Variants in ANO1 observed in about 807,000 individuals in gnomAD.
The protein encoded by ANO1 is anoctamin 1.
A neutral mutation model predicts 124.0 loss-of-function variants in ANO1; 59 were observed. The observed-to-expected ratio is 0.48, with a 90% CI of 0.39 to 0.59. The LOEUF (loss-of-function observed/expected upper bound fraction) is 0.59, where lower values mean the gene tolerates loss of function less well. Ranked by LOEUF, ANO1 falls within the 20% of genes least tolerant of loss-of-function variation. The pLI is 0.00. For synonymous variants in ANO1, 529 were observed against 532.0 expected (o/e 0.99, Z 0.08); for missense variants, 1,059 against 1,328.0 (o/e 0.80, Z 3.15).
rs561083597 is a variant in ANO1 at position 70,109,750 on chromosome 11, A to G, written c.799+1346A>G. On this transcript the variant is annotated intron_variant, in intron 6 of 25. Transcript: ENST00000355303. ...TCCAGTAGAAACGTGTATGGTTGCA[A>G]TAGAAGTCCAGCGTCTTCAGGCTGC... is the stretch of plus-strand genomic sequence containing the variant. Among the ~76,000 whole-genome samples, 48 of 152,270 alleles carry G rather than the reference A, an allele frequency of 3.2e-4. No individual in the cohort carries two copies. The South Asian group carries it at 9.7e-3, about 31-fold the overall frequency.
At chr11:70,186,345 G>GGGGAGGGA (rs1202570780) in intron 25 of ANO1, among the ~76,000 whole-genome samples, 5 of 84,826 alleles carry the variant, frequency 5.9e-5, no homozygotes, top group Middle Eastern at 5.2e-3. Flanking sequence ...GGACGAGGAG[G>GGGGAGGGA]GGGAGGGAGG....
intron 21 of ANO1, among the ~76,000 whole-genome samples, chr11:70,167,748 A>G (rs1203704152): frequency 6.6e-6 from 1 of 152,016 alleles, no homozygotes; most frequent in Non-Finnish European, 1.5e-5. Context: ...GCGCAGCCCG[A>G]CACAGCCTGG....
chr11:69,989,734 A>T (rs1167326553), intron 1 of ANO1, among the ~76,000 whole-genome samples: 1 of 152,142 alleles, frequency 6.6e-6, no homozygotes, highest in Non-Finnish European at 1.5e-5. Context: ...GCCTGCTCAG[A>T]GGCTCTTGCA....
At chr11:69,981,038 C>A (rs547780157), upstream of ANO1, among the ~76,000 whole-genome samples, 1 of 152,012 alleles carries the variant, frequency 6.6e-6, no homozygotes, top group Non-Finnish European at 1.5e-5. Context: ...GTGACAGGAG[C>A]GAGACTCCTT....
intron 1 of ANO1, among the ~76,000 whole-genome samples, chr11:70,085,857 C>A (rs1014156801): frequency 6.6e-6 from 1 of 152,274 alleles, no homozygotes; most frequent in Admixed American, 6.5e-5. Context: ...GCCCACCTGC[C>A]TCGAATGAGG....
intron 1 of ANO1, among the ~76,000 whole-genome samples, chr11:70,018,805 G>A (rs904517390): frequency 6.6e-6 from 1 of 152,232 alleles, no homozygotes; most frequent in Non-Finnish European, 1.5e-5. Flanking sequence ...GCCAGCAAGA[G>A]ACCACACATT....
intron 1 of ANO1, among the ~76,000 whole-genome samples, chr11:70,058,546 T>G (rs1555007222): frequency 6.6e-6 from 1 of 152,182 alleles, no homozygotes; most frequent in Non-Finnish European, 1.5e-5. Context: ...ATTAGCAGCC[T>G]GGTGAATTTT....
chr11:69,968,641 C>T, the ANO1 span, among the ~76,000 whole-genome samples: 1 of 152,228 alleles, frequency 6.6e-6, no homozygotes, highest in African/African-American at 2.4e-5. Context: ...TGCTGAGATG[C>T]AGGGATGCGG....
chr11:69,968,352 G>A, the ANO1 span, among the ~76,000 whole-genome samples: 26 of 152,304 alleles, frequency 1.7e-4, no homozygotes, highest in East Asian at 3.5e-3. Context: ...CTGCCTCTGG[G>A]GCCCTCTGGC....
At chr11:69,984,939 A>G (rs1856006228), upstream of ANO1, among the ~76,000 whole-genome samples, 1 of 152,154 alleles carries the variant, frequency 6.6e-6, no homozygotes, top group Non-Finnish European at 1.5e-5. Flanking sequence ...CTGAGAATTT[A>G]TGGTATTTAT....
intron 1 of ANO1, among the ~76,000 whole-genome samples, chr11:69,997,263 C>T (rs1397509320): frequency 1.3e-5 from 2 of 152,218 alleles, no homozygotes; most frequent in African/African-American, 4.8e-5. Context: ...TTACCTTGCC[C>T]TGTCCTGCCA....
intron 10 of ANO1, 86 bp from the exon 11 acceptor site, chr11:70,131,833 C>G: frequency 6.8e-7 from 1 of 1,477,838 alleles, no homozygotes; most frequent in Non-Finnish European, 9.0e-7. Context: ...TTGGGCCCAG[C>G]GCTTTCTCCC....
chr11:70,164,955 G>A (rs1341692205), intron 19 of ANO1, among the ~76,000 whole-genome samples: 2 of 152,092 alleles, frequency 1.3e-5, no homozygotes, highest in Non-Finnish European at 2.9e-5. Flanking sequence ...GGCGGAGTGT[G>A]TCCGTTTCCT....
intron 4 of ANO1, among the ~76,000 whole-genome samples, chr11:70,104,908 G>T (rs1305125404): frequency 1.3e-5 from 2 of 152,134 alleles, no homozygotes; most frequent in Non-Finnish European, 2.9e-5. Context: ...TATAAATGTA[G>T]TAGGGGTGGA....
At chr11:69,974,317 T>C in the ANO1 span, among the ~76,000 whole-genome samples, 2 of 152,126 alleles carry the variant, frequency 1.3e-5, no homozygotes, top group Middle Eastern at 6.3e-3. Context: ...AGAGCCAGGC[T>C]CTGTCTCAAA....
Position 70,100,891 on chromosome 11 carries a change from G to T in ANO1, c.442-2175G>T, listed in dbSNP as rs554376454. The stretch of plus-strand genomic sequence containing the variant: ...TTCATTCCATAAATATGTGCAAAGC[G>T]GCTGCTCTGAGCCTTCCGTGGGCAG... On this transcript the variant is annotated intron_variant, in intron 2 of 25. Transcript: ENST00000355303. 7.8e-4 allele frequency among the ~76,000 whole-genome samples: 119 copies of T among 152,242 alleles called. 2 individuals are homozygous for T. Among genetic ancestry groups the T allele is most frequent in the African/African-American group, 2.8e-3 (117 of 41,538 alleles).
the ANO1 span, among the ~76,000 whole-genome samples, chr11:69,972,436 C>T: frequency 6.6e-5 from 10 of 152,038 alleles, no homozygotes; most frequent in Middle Eastern, 6.3e-3. Flanking sequence ...ATGAGACAAC[C>T]GCCTTGCAGA....
the ANO1 span, among the ~76,000 whole-genome samples, chr11:69,976,569 G>GAA: frequency 1.2e-4 from 16 of 128,728 alleles, 1 homozygote; most frequent in Non-Finnish European, 1.6e-4. Context: ...GAGAGAGAGA[G>GAA]ATTAGGACAC....
At chr11:70,010,061 T>A (rs1325749969) in intron 1 of ANO1, among the ~76,000 whole-genome samples, 1 of 151,674 alleles carries the variant, frequency 6.6e-6, no homozygotes, top group Non-Finnish European at 1.5e-5. Context: ...CTTAGAATAA[T>A]GATCTCCAAC....
Sources: allele counts gnomAD v4.1 joint callset (sites outside exome capture counted in the v4.1 genomes callset), GRCh38; gene constraint gnomAD v4.1.1; transcripts MANE v1.5; gene names NCBI Gene and HGNC (gene_info 2026-07-23, HGNC 2026-07-21).